ANKS1A: variants seen among roughly 807,000 people sequenced by gnomAD.
ANKS1A encodes the protein ankyrin repeat and sterile alpha motif domain containing 1A.
ANKS1A carries 55 observed loss-of-function variants against 120.3 expected under a neutral mutation model. The observed-to-expected ratio is 0.46, with a 90% CI of 0.37 to 0.57. The LOEUF is 0.57. ANKS1A is among the 20% of genes least tolerant of loss of function. ANKS1A has a pLI of 0.00. For missense variants in ANKS1A, 1,123 were observed against 1,480.3 expected (o/e 0.76, Z 3.96); for synonymous variants, 590 against 604.7 (o/e 0.98, Z 0.36).
chr6:35,048,862 C>G (rs1775840980), intron 11 of ANKS1A, among the ~76,000 whole-genome samples: 1 of 152,192 alleles, frequency 6.6e-6, no homozygotes, highest in South Asian at 2.1e-4. Flanking sequence ...GGCTCAGTCG[C>G]TCAGCCCCCG....
intron 1 of ANKS1A, among the ~76,000 whole-genome samples, chr6:34,929,337 T>C (rs1768862789): frequency 6.6e-6 from 1 of 152,220 alleles, no homozygotes; most frequent in African/African-American, 2.4e-5. Flanking sequence ...GATAAGATTA[T>C]AATAGACGAA....
At chr6:34,973,231 G>C (rs900084910) in intron 3 of ANKS1A, among the ~76,000 whole-genome samples, 2 of 152,046 alleles carry the variant, frequency 1.3e-5, no homozygotes, top group Non-Finnish European at 2.9e-5. Context: ...TTAAAACCAC[G>C]ACCCAATATC....
intron 11 of ANKS1A, among the ~76,000 whole-genome samples, chr6:35,051,510 G>A (rs1203149696): frequency 6.6e-5 from 10 of 152,180 alleles, no homozygotes; most frequent in African/African-American, 7.2e-5. Context: ...TCCCCAGCAC[G>A]CTGCATGGCC....
At chr6:34,943,471 A>G (rs557736185) in intron 1 of ANKS1A, among the ~76,000 whole-genome samples, 8 of 152,312 alleles carry the variant, frequency 5.3e-5, no homozygotes, top group Middle Eastern at 3.4e-3. Flanking sequence ...TGTGTGTTAT[A>G]TAGTTCTATG....
At position 35,057,019 on chromosome 6, in the gene ANKS1A, ATCTGGGC is replaced by A. The variant is rs1349653552; in HGVS notation, c.2077+2861_2077+2867del. ...TGGGCGTCAGGATCAGGGAGAAAAG[ATCTGGGC>A]TCTGGGGTTAGTCTGGGTAGAGGAG... On this transcript the variant is annotated intron_variant, in intron 12 of 23. Transcript: ENST00000360359. The surrounding 1 kb of genome is among the most constrained non-coding windows in gnomAD (Gnocchi z 4.1). Among the ~76,000 whole-genome samples the A allele has an allele frequency of 6.6e-6, 1 of 151,986 alleles. No individual in the cohort carries two copies. Among genetic ancestry groups the A allele is most frequent in the Non-Finnish European group, 1.5e-5 (1 of 67,988 alleles).
At position 35,017,838 on chromosome 6, in the gene ANKS1A, G is replaced by A. The variant is rs1365626874; in HGVS notation, c.1789G>A (p.Glu597Lys). The change falls in exon 11 of 24, where the codon GAA becomes AAA. Residue 597 changes from glutamate (E) to lysine (K), a missense_variant. Glu to Lys is a moderately conservative substitution (Grantham distance 56). This residue lies in a region of ANKS1A where 904 missense variants were observed against 1,130.4 expected (regional missense o/e 0.80). Transcript: ENST00000360359. ...ATCTCCGCACCCTGGTGGTGCTGAG[G>A]AAGGAGACCGGAGTGGGGCCAGGAG... ...TASPHPGGAE[E>K]GDRSGARSRA... 16 of 1,614,246 alleles carry A rather than the reference G, an allele frequency of 9.9e-6. No homozygotes were observed. The highest frequency in any genetic ancestry group is 1.6e-4 in the Middle Eastern group (1 of 6,062).
chr6:34,958,472 A>G (rs976402195), intron 1 of ANKS1A, among the ~76,000 whole-genome samples: 5 of 152,160 alleles, frequency 3.3e-5, no homozygotes, highest in South Asian at 2.1e-4. Context: ...CCTGCTCAGC[A>G]TAATGATGAA....
chr6:34,894,906 G>C (rs1329584606), intron 1 of ANKS1A, among the ~76,000 whole-genome samples: 1 of 152,192 alleles, frequency 6.6e-6, no homozygotes, highest in Non-Finnish European at 1.5e-5. Flanking sequence ...AAGCCAAGGA[G>C]ACTTGCTGGA....
chr6:35,022,817 A>G (rs1774412781), intron 11 of ANKS1A, among the ~76,000 whole-genome samples: 1 of 152,224 alleles, frequency 6.6e-6, no homozygotes, highest in African/African-American at 2.4e-5. Context: ...TTTACTGATT[A>G]TAATTTGCTT....
intron 3 of ANKS1A, among the ~76,000 whole-genome samples, chr6:34,979,339 G>A (rs1490909128): frequency 6.6e-6 from 1 of 152,228 alleles, no homozygotes; most frequent in Non-Finnish European, 1.5e-5. Flanking sequence ...AGTGATGGAT[G>A]TGGTCACCAC....
intron 12 of ANKS1A, among the ~76,000 whole-genome samples, chr6:35,059,486 C>A (rs1050992441): frequency 6.6e-6 from 1 of 152,236 alleles, no homozygotes; most frequent in Non-Finnish European, 1.5e-5. Flanking sequence ...AGTCTCTTTT[C>A]TCCCCCTGCC....
rs148310776 is a variant in ANKS1A at position 35,086,516 on chromosome 6, CCT to C, written c.3304-431_3304-430del. ...CTGCCTGTTCTGTGTGTGCTTCAGC[CCT>C]CTCTGTTTTTCTGTTGTGTGTCCTC... On this transcript the variant is annotated intron_variant, in intron 22 of 23. Coordinates refer to ENST00000360359, the MANE Select transcript of ANKS1A (RefSeq NM_015245.3). This position sits in a 1 kb window ranked among gnomAD's most constrained non-coding sequence, Gnocchi z 5.1. The C allele has an allele frequency of 0.019, 9,479 of 511,976 alleles. 209 individuals carry two copies. The highest frequency in any genetic ancestry group is 0.083 in the African/African-American group (4,200 of 50,898). 31.7% of individuals were successfully genotyped at this position (511,976 alleles called of 1,614,324 possible). A position where few individuals can be genotyped will look rare whatever the true frequency, so the allele number is the denominator to read the frequency against.
Position 34,970,073 on chromosome 6 carries a change from C to T in ANKS1A, c.342C>T (p.Cys114=), listed in dbSNP as rs1360687022. Residue 114 remains cysteine (C), a synonymous_variant, in exon 3 of 24, where the codon TGC becomes TGT. Coordinates refer to ENST00000360359, the MANE Select transcript of ANKS1A (RefSeq NM_015245.3). ...CCAACGTGGCTGACTCAAAAGGCTG[C>T]TACCCTCTGCATTTGGCAGCCTGGA... ...ALTNVADSKG[C]YPLHLAAWKG... is the part of the protein sequence containing the mutation. The T allele has an allele frequency of 1.2e-6, 2 of 1,614,050 alleles. No individual in the cohort carries two copies. Among genetic ancestry groups the T allele is most frequent in the Non-Finnish European group, 1.7e-6 (2 of 1,180,030 alleles).
intron 1 of ANKS1A, among the ~76,000 whole-genome samples, chr6:34,924,127 G>GTGTGTA (rs762275392): frequency 7.0e-6 from 1 of 143,572 alleles, no homozygotes; most frequent in African/African-American, 2.7e-5. Context: ...GTGTGTGTGT[G>GTGTGTA]TATTTTTCTT....
chr6:34,968,135 A>T (rs77884091), intron 2 of ANKS1A, among the ~76,000 whole-genome samples: 2 of 152,270 alleles, frequency 1.3e-5, no homozygotes, highest in East Asian at 3.9e-4. Flanking sequence ...GGGGAAAAAA[A>T]TACATTAAAT....
At chr6:35,056,442 C>T (rs1412947914) in intron 12 of ANKS1A, among the ~76,000 whole-genome samples, 1 of 152,176 alleles carries the variant, frequency 6.6e-6, no homozygotes, top group African/African-American at 2.4e-5. Flanking sequence ...GCGCCCGCCA[C>T]CACGCCCGGC....
At position 34,916,374 on chromosome 6, in the gene ANKS1A, C is replaced by CTTTTGG. The variant is rs762260192; in HGVS notation, c.197+26775_197+26776insTTTTGG. The stretch of plus-strand genomic sequence containing the variant: ...GGAGGATGAGACCAAGTCTCAACCA[C>CTTTTGG]AGTATACTTTTCAACAAATATTGCT... On this transcript the variant is annotated intron_variant, in intron 1 of 23. Transcript: ENST00000360359. 3.9e-3 allele frequency among the ~76,000 whole-genome samples: 596 copies of CTTTTGG among 152,278 alleles called. 1 individual carries two copies. Among genetic ancestry groups the CTTTTGG allele is most frequent in the South Asian group, 0.018 (88 of 4,826 alleles).
At chr6:34,899,616 A>G (rs929973699) in intron 1 of ANKS1A, among the ~76,000 whole-genome samples, 1 of 152,246 alleles carries the variant, frequency 6.6e-6, no homozygotes, top group South Asian at 2.1e-4. Context: ...CCTATTTACA[A>G]AAAGACTGAT....
rs1774353086 is a variant in ANKS1A at position 35,021,754 on chromosome 6, G to A, written c.2010+3695G>A. On this transcript the variant is annotated intron_variant, in intron 11 of 23. Transcript: ENST00000360359. ...TAATCCCAGCACTTTGGGAGGCCAA[G>A]GCAGGTGGATTACCTGAGGTCAGGA... Among the ~76,000 whole-genome samples the A allele has an allele frequency of 2.6e-5, 4 of 152,122 alleles. No individual in the cohort carries two copies. In the South Asian group the frequency reaches 8.3e-4, roughly 32 times the overall value.
Sources: allele counts gnomAD v4.1 joint callset (sites outside exome capture counted in the v4.1 genomes callset), GRCh38; gene constraint gnomAD v4.1.1; regional missense constraint gnomAD v4.1.1; non-coding constraint Gnocchi (gnomAD v3.1); transcripts MANE v1.5; gene names NCBI Gene and HGNC (gene_info 2026-07-23, HGNC 2026-07-21).